CTXND2: variants seen among roughly 807,000 people sequenced by gnomAD.
CTXND2 encodes the protein cortexin domain containing 2.
intron 1 of CTXND2, among the ~76,000 whole-genome samples, chr1:150,903,625 C>G (rs901577270): frequency 6.6e-6 from 1 of 151,678 alleles, no homozygotes; most frequent in Admixed American, 6.6e-5. Context: ...TAGTGACACC[C>G]CGTCGCTACT....
intron 1 of CTXND2, among the ~76,000 whole-genome samples, chr1:150,907,834 C>T (rs993329207): frequency 3.3e-5 from 5 of 151,552 alleles, no homozygotes; most frequent in Admixed American, 2.6e-4. Flanking sequence ...CTCAGCCTCC[C>T]GAGTAGCTGG....
chr1:150,896,506 T>C (rs1668915337), intron 1 of CTXND2, among the ~76,000 whole-genome samples: 1 of 152,236 alleles, frequency 6.6e-6, no homozygotes. Context: ...ACTTCTCTTC[T>C]TTCTTTCCTA....
intron 1 of CTXND2, among the ~76,000 whole-genome samples, chr1:150,888,680 G>A (rs1668807356): frequency 6.6e-6 from 1 of 151,548 alleles, no homozygotes; most frequent in East Asian, 1.9e-4. Context: ...TAATAAGAAT[G>A]TATTTTATTA....
At chr1:150,893,721 A>G (rs1668880551) in intron 1 of CTXND2, among the ~76,000 whole-genome samples, 1 of 151,990 alleles carries the variant, frequency 6.6e-6, no homozygotes, top group South Asian at 2.1e-4. Flanking sequence ...AGCCTCCCAA[A>G]ATGCTGGGAT....
At chr1:150,891,012 A>T (rs1032650946) in intron 1 of CTXND2, among the ~76,000 whole-genome samples, 7 of 152,096 alleles carry the variant, frequency 4.6e-5, no homozygotes, top group African/African-American at 1.7e-4. Flanking sequence ...TTATTAATCG[A>T]TGAAGGTTGT....
intron 1 of CTXND2, among the ~76,000 whole-genome samples, chr1:150,901,421 CAG>C (rs1226847095): frequency 6.6e-6 from 1 of 152,176 alleles, no homozygotes; most frequent in East Asian, 1.9e-4. Context: ...TGTGGAAACT[CAG>C]GGACTCTGAA....
chr1:150,908,003 C>T (rs1285427541), intron 1 of CTXND2, among the ~76,000 whole-genome samples: 5 of 151,112 alleles, frequency 3.3e-5, no homozygotes, highest in Non-Finnish European at 7.4e-5. Context: ...GCCACCGTGC[C>T]CAGCCAGCTT....
At chr1:150,893,970 A>G (rs1413481370) in intron 1 of CTXND2, among the ~76,000 whole-genome samples, 1 of 145,956 alleles carries the variant, frequency 6.9e-6, no homozygotes, top group East Asian at 2.1e-4. Flanking sequence ...GTTTTATATT[A>G]GTATCTTTTT....
intron 1 of CTXND2, among the ~76,000 whole-genome samples, chr1:150,905,336 G>A (rs1669121908): frequency 1.3e-5 from 2 of 151,756 alleles, no homozygotes; most frequent in African/African-American, 2.4e-5. Flanking sequence ...TAGAGATGAG[G>A]TTTCACCATG....
intron 1 of CTXND2, among the ~76,000 whole-genome samples, chr1:150,899,789 C>T (rs1026924591): frequency 6.6e-6 from 1 of 152,128 alleles, no homozygotes; most frequent in African/African-American, 2.4e-5. Flanking sequence ...AAACCTGTCT[C>T]TACTAAAAAT....
At chr1:150,892,763 T>C (rs1668869508) in intron 1 of CTXND2, among the ~76,000 whole-genome samples, 1 of 152,216 alleles carries the variant, frequency 6.6e-6, no homozygotes, top group Admixed American at 6.6e-5. Context: ...GGTCTTGAAC[T>C]CCTGACCTCA....
At chr1:150,912,470 A>G (rs77330388) in exon 2 of CTXND2, 1 of 398,580 alleles carries the variant, frequency 2.5e-6, no homozygotes, top group Non-Finnish European at 4.4e-6. Context: ...CCACAGAACC[A>G]TCTCTGAGCT....
chr1:150,898,391 G>A (rs1401968337), intron 1 of CTXND2, among the ~76,000 whole-genome samples: 1 of 152,058 alleles, frequency 6.6e-6, no homozygotes, highest in East Asian at 1.9e-4. Context: ...CCTCTTGGGT[G>A]GAATCTTCTT....
At chr1:150,910,221 C>T (rs185158934) in intron 1 of CTXND2, among the ~76,000 whole-genome samples, 29 of 150,756 alleles carry the variant, frequency 1.9e-4, no homozygotes, top group African/African-American at 6.8e-4. Flanking sequence ...CCTCTGCCTC[C>T]CAGGTTCAAG....
chr1:150,901,608 C>T (rs185677125), intron 1 of CTXND2, among the ~76,000 whole-genome samples: 8 of 152,240 alleles, frequency 5.3e-5, no homozygotes, highest in East Asian at 1.9e-4. Context: ...AATTTTCAAC[C>T]AGGGTGTCAA....
chr1:150,904,111 C>T, intron 1 of CTXND2: 1 of 663,148 alleles, frequency 1.5e-6, no homozygotes, highest in Non-Finnish European at 2.8e-6. Context: ...TGGAAAATCC[C>T]AAGAAGTACA....
intron 1 of CTXND2, among the ~76,000 whole-genome samples, chr1:150,911,199 C>T (rs113155282): frequency 7.2e-5 from 11 of 151,786 alleles, no homozygotes; most frequent in Admixed American, 2.6e-4. Context: ...CCGCCTGCCT[C>T]GGCCTCCCAA....
At chr1:150,894,104 T>C (rs1212255977) in intron 1 of CTXND2, among the ~76,000 whole-genome samples, 1 of 152,170 alleles carries the variant, frequency 6.6e-6, no homozygotes, top group Non-Finnish European at 1.5e-5. Flanking sequence ...GCTTTTTCTG[T>C]AATCATTGAG....
At chr1:150,908,180 T>G (rs1442775263) in intron 1 of CTXND2, among the ~76,000 whole-genome samples, 1 of 151,680 alleles carries the variant, frequency 6.6e-6, no homozygotes, top group East Asian at 1.9e-4. Context: ...TTTTTGTATT[T>G]TCTGTAGAGA....
Sources: allele counts gnomAD v4.1 joint callset (sites outside exome capture counted in the v4.1 genomes callset), GRCh38; gene constraint gnomAD v4.1.1; transcripts MANE v1.5; gene names NCBI Gene and HGNC (gene_info 2026-07-23, HGNC 2026-07-21).